Variants in SLC12A9 observed in about 807,000 individuals in gnomAD.
SLC12A9 encodes the protein CCC-interacting protein 1.
Under a neutral mutation model 66.0 loss-of-function variants are expected in SLC12A9, and 55 were observed. The observed-to-expected ratio is 0.83, with a 90% CI of 0.67 to 1.04. The LOEUF is 1.04. SLC12A9 is among the 50% of genes least tolerant of loss of function. The pLI, the probability that SLC12A9 is intolerant of heterozygous loss-of-function variation, is 0.00. For missense variants in SLC12A9, 1,061 were observed against 1,241.9 expected (o/e 0.85, Z 2.19); for synonymous variants, 577 against 569.0 (o/e 1.01, Z -0.20).
chr7:100,844,031 G>A (rs535945440), intron 1 of SLC12A9, among the ~76,000 whole-genome samples: 7 of 152,272 alleles, frequency 4.6e-5, no homozygotes, highest in African/African-American at 1.7e-4. Context: ...ACACCCGGAA[G>A]CTGACTGGTC....
intron 1 of SLC12A9, among the ~76,000 whole-genome samples, chr7:100,853,674 G>C (rs1814211930): frequency 6.6e-6 from 1 of 150,580 alleles, no homozygotes; most frequent in Non-Finnish European, 1.5e-5. Context: ...CGATTCTCGT[G>C]TCTCAGCCTC....
intron 1 of SLC12A9, among the ~76,000 whole-genome samples, chr7:100,829,287 C>CGGA (rs1813495890): frequency 6.6e-6 from 1 of 152,078 alleles, no homozygotes; most frequent in African/African-American, 2.4e-5. Flanking sequence ...CGCGCCCAGC[C>CGGA]GGAGGACAGA....
At chr7:100,840,237 G>A (rs180822045) in intron 1 of SLC12A9, among the ~76,000 whole-genome samples, 17 of 152,226 alleles carry the variant, frequency 1.1e-4, no homozygotes, top group African/African-American at 2.4e-4. Flanking sequence ...AGAAGCATAG[G>A]TCAGGCACAA....
Position 100,861,652 on chromosome 7 carries a change from G to A in SLC12A9, c.1536+68G>A, listed in dbSNP as rs550027283. ...AAAGAACCCCCTCTCTCTTTGGCTG[G>A]AGTTGGTGCTCCCGTCCAGGAGGCG... On this transcript the variant is annotated intron_variant, in intron 11 of 13. Coordinates refer to ENST00000354161, the MANE Select transcript of SLC12A9 (RefSeq NM_020246.4). This position sits in a 1 kb window ranked among gnomAD's most constrained non-coding sequence, Gnocchi z 5.3. 2 of 1,608,432 alleles carry A rather than the reference G, an allele frequency of 1.2e-6. No individual in the cohort carries two copies. The highest frequency in any genetic ancestry group is 2.7e-5 in the African/African-American group (2 of 74,826).
intron 1 of SLC12A9, among the ~76,000 whole-genome samples, chr7:100,843,224 T>C (rs1258264567): frequency 6.6e-6 from 1 of 152,198 alleles, no homozygotes; most frequent in Non-Finnish European, 1.5e-5. Flanking sequence ...AATAAGACAT[T>C]GTAAAGCGAG....
chr7:100,860,737 C>G, intron 9 of SLC12A9: 3 of 383,418 alleles, frequency 7.8e-6, no homozygotes, highest in Non-Finnish European at 1.5e-5. Context: ...TTCATTGACA[C>G]TTTGGGGTGC....
intron 12 of SLC12A9, 135 bp downstream of exon 12, chr7:100,862,046 A>G: frequency 1.1e-6 from 1 of 883,842 alleles, no homozygotes; most frequent in Non-Finnish European, 1.7e-6. Flanking sequence ...TGCAACCTCC[A>G]CCTCCCAGGT....
intron 1 of SLC12A9, among the ~76,000 whole-genome samples, chr7:100,832,101 G>A (rs936471005): frequency 1.3e-5 from 2 of 152,188 alleles, no homozygotes; most frequent in South Asian, 2.1e-4. Flanking sequence ...TCGGGAGGCT[G>A]AGGCAGGAGA....
upstream of SLC12A9, among the ~76,000 whole-genome samples, chr7:100,848,530 T>A (rs13232732): frequency 1.4e-4 from 18 of 126,328 alleles, no homozygotes; most frequent in East Asian, 3.1e-3. Flanking sequence ...AAATAAATAA[T>A]AAATAAATAC....
intron 1 of SLC12A9, among the ~76,000 whole-genome samples, chr7:100,835,898 A>G (rs1299121590): frequency 6.6e-6 from 1 of 151,936 alleles, no homozygotes; most frequent in Non-Finnish European, 1.5e-5. Flanking sequence ...GCCAAAGGGC[A>G]TGGAGGTGGA....
chr7:100,861,253 C>G lies in SLC12A9; in HGVS notation c.1334C>G (p.Pro445Arg). ...SCLSLEWASA[P>R]NFRPTFSLFS... ...CTGAGCCTGGAGTGGGCCTCGGCCC[C>G]CAACTTCCGGTGAGAGACTCAGATC... Residue 445 changes from proline (P) to arginine (R), a missense_variant, in exon 10 of 14, where the codon CCC becomes CGC. Transcript: ENST00000354161. This position sits in a 1 kb window ranked among gnomAD's most constrained non-coding sequence, Gnocchi z 5.3. The G allele has an allele frequency of 1.2e-6, 2 of 1,614,208 alleles. 1 individual carries two copies. The highest frequency in any genetic ancestry group is 2.2e-5 in the South Asian group (2 of 91,090).
At chr7:100,856,298 C>A in intron 4 of SLC12A9, 1 of 160,894 alleles carries the variant, frequency 6.2e-6, no homozygotes, top group Admixed American at 5.9e-5. Context: ...ACCTTTGCCT[C>A]CCGGGTTCAA....
Position 100,866,457 on chromosome 7 carries a change from C to T in SLC12A9, c.2597C>T (p.Thr866Ile). ...GGTGGGGATGCTGAGGGCCCCATCA[C>T]AGCCCTCACCTTCCTGTACTTGCCT... ...PEGGDAEGPI[T>I]ALTFLYLPRP... Residue 866 changes from threonine to isoleucine, a missense_variant, in exon 14 of 14, where the codon ACA becomes ATA. Transcript: ENST00000354161. The surrounding 1 kb of genome is among the most constrained non-coding windows in gnomAD (Gnocchi z 7.3). 2 of 1,550,724 alleles carry T rather than the reference C, an allele frequency of 1.3e-6. No homozygotes were observed. Among genetic ancestry groups the T allele is most frequent in the Non-Finnish European group, 1.7e-6 (2 of 1,147,546 alleles).
chr7:100,828,991 T>G (rs1397586740), intron 1 of SLC12A9, among the ~76,000 whole-genome samples: 1 of 145,680 alleles, frequency 6.9e-6, no homozygotes, highest in Non-Finnish European at 1.5e-5. Flanking sequence ...GGGGACAGAT[T>G]TTTTTTTTTT....
Position 100,862,754 on chromosome 7 carries a change from G to A in SLC12A9, c.1785G>A (p.Lys595=). 1 of 1,614,200 alleles carries A rather than the reference G, an allele frequency of 6.2e-7. No homozygotes were observed. Among genetic ancestry groups the A allele is most frequent in the Non-Finnish European group, 8.5e-7 (1 of 1,180,038 alleles). ...GCCTGGTGGACCGTGCCCAGGTGAA[G>A]GCTTTTGTGGATCTAACCCTCTCAC... ...WLSLVDRAQV[K]AFVDLTLSPS... Residue 595 remains lysine, a synonymous_variant, in exon 13 of 14, where the codon AAG becomes AAA. Transcript: ENST00000354161.
rs1442478235 is a variant in SLC12A9, at chr7:100,866,534, ACT to A, written c.2677_2678del (p.Leu893AsnfsTer20). ...RYPRYLALLE[T>X]LTRDLGPTLL... ...CCCCCGCTACCTGGCGCTACTGGAG[ACT>A]CTAACCCGAGACCTGGGCCCCACGC... On this transcript the variant is annotated frameshift_variant, in exon 14 of 14. Transcript: ENST00000354161. LOFTEE classifies it high-confidence loss of function. The surrounding 1 kb of genome is among the most constrained non-coding windows in gnomAD (Gnocchi z 7.3). The A allele has an allele frequency of 6.3e-7, 1 of 1,581,714 alleles. No individual in the cohort carries two copies. The highest frequency in any genetic ancestry group is 8.6e-7 in the Non-Finnish European group (1 of 1,165,052).
At chr7:100,849,997 C>T (rs1002966228), upstream of SLC12A9, among the ~76,000 whole-genome samples, 8 of 151,946 alleles carry the variant, frequency 5.3e-5, no homozygotes, top group Non-Finnish European at 5.9e-5. Context: ...GTCAGCCTCC[C>T]GAGTGGCTGG....
upstream of SLC12A9, among the ~76,000 whole-genome samples, chr7:100,848,908 A>AAAAG (rs141258756): frequency 7.7e-3 from 1,152 of 149,722 alleles, 9 homozygotes; most frequent in Non-Finnish European, 8.3e-3. Flanking sequence ...AGAAAGAAAG[A>AAAAG]AAAGAAAGAA....
rs757932385 is a variant in SLC12A9 at position 100,865,369 on chromosome 7, C to T, written c.1859-350C>T. Reference sequence around the variant, plus strand: ...CTGGTTTGCACAACAGAGTCAAACTCGCATCCCCTGCCGTGAAACAGATGC... The same window carrying T: ...CTGGTTTGCACAACAGAGTCAAACTTGCATCCCCTGCCGTGAAACAGATGC... On this transcript the variant is annotated intron_variant, in intron 13 of 13. Coordinates refer to ENST00000354161, the MANE Select transcript of SLC12A9 (RefSeq NM_020246.4). 1.6e-5 allele frequency: 25 copies of T among 1,535,924 alleles called. 1 individual carries two copies. In the South Asian group the frequency reaches 1.8e-4, roughly 11 times the overall value.
Sources: allele counts gnomAD v4.1 joint callset (sites outside exome capture counted in the v4.1 genomes callset), GRCh38; gene constraint gnomAD v4.1.1; non-coding constraint Gnocchi (gnomAD v3.1); transcripts MANE v1.5; gene names NCBI Gene and HGNC (gene_info 2026-07-23, HGNC 2026-07-21).